STPG2: variants seen among roughly 807,000 people sequenced by gnomAD.
STPG2 encodes sperm-tail PG-rich repeat-containing protein 2.
A neutral mutation model predicts 54.2 loss-of-function variants in STPG2; 56 were observed. The observed-to-expected ratio is 1.03, with a 90% CI of 0.83 to 1.29. STPG2 has a LOEUF of 1.29. Ranked by LOEUF, STPG2 falls within the 50% of genes most tolerant of loss-of-function variation. STPG2 has a pLI of 0.00. For synonymous variants in STPG2, 200 were observed against 181.8 expected, an observed-to-expected ratio of 1.10 and a Z score of -0.81; for missense variants, 596 against 544.9, an observed-to-expected ratio of 1.09 and a Z score of -0.93.
At chr4:97,719,273 G>C (rs1436119329) in intron 9 of STPG2, among the ~76,000 whole-genome samples, 2 of 151,862 alleles carry the variant, frequency 1.3e-5, no homozygotes, top group Non-Finnish European at 2.9e-5. Context: ...CTTTAGAAAT[G>C]TTACTCCACT....
chr4:97,467,053 C>T (rs1029150420), intron 4 of STPG2, among the ~76,000 whole-genome samples: 4 of 151,880 alleles, frequency 2.6e-5, no homozygotes, highest in Non-Finnish European at 5.9e-5. Context: ...AGAAATACTA[C>T]AGCTGAGAAA....
chr4:97,470,005 T>G (rs1386250752), intron 4 of STPG2, among the ~76,000 whole-genome samples: 1 of 152,138 alleles, frequency 6.6e-6, no homozygotes, highest in African/African-American at 2.4e-5. Flanking sequence ...AATAGAAATT[T>G]ACATGAGTAA....
intron 5 of STPG2, among the ~76,000 whole-genome samples, chr4:98,013,381 T>A (rs989866388): frequency 2.0e-5 from 3 of 152,208 alleles, no homozygotes; most frequent in African/African-American, 7.2e-5. Flanking sequence ...GCATGAATGT[T>A]CTTCAAGGAC....
chr4:97,921,993 T>C (rs1025741109), intron 8 of STPG2, among the ~76,000 whole-genome samples: 2 of 151,720 alleles, frequency 1.3e-5, no homozygotes, highest in African/African-American at 4.8e-5. Flanking sequence ...AAGCAGAGAG[T>C]AGAATGGTGG....
At chr4:97,711,493 T>C (rs892377028) in intron 10 of STPG2, among the ~76,000 whole-genome samples, 100 of 152,248 alleles carry the variant, frequency 6.6e-4, no homozygotes, top group African/African-American at 2.4e-3. Context: ...CTTTCTGAAG[T>C]AAGTCTAATA....
chr4:97,600,662 T>G (rs927255441), intron 10 of STPG2, among the ~76,000 whole-genome samples: 3 of 152,030 alleles, frequency 2.0e-5, no homozygotes, highest in Non-Finnish European at 4.4e-5. Flanking sequence ...CTAGAAGATA[T>G]AGTCACACAC....
At chr4:97,960,265 C>T (rs1375104757) in intron 7 of STPG2, among the ~76,000 whole-genome samples, 2 of 152,046 alleles carry the variant, frequency 1.3e-5, no homozygotes, top group Non-Finnish European at 2.9e-5. Context: ...AAGTTGAAAG[C>T]ATTCCCCCTC....
At chr4:98,140,305 T>C (rs748236268) in intron 1 of STPG2, among the ~76,000 whole-genome samples, 1 of 152,112 alleles carries the variant, frequency 6.6e-6, no homozygotes, top group African/African-American at 2.4e-5. Context: ...AAGAACATTA[T>C]AAACAACATT....
At chr4:97,506,882 C>T (rs1730855619) in intron 4 of STPG2, among the ~76,000 whole-genome samples, 1 of 151,862 alleles carries the variant, frequency 6.6e-6, no homozygotes, top group South Asian at 2.1e-4. Context: ...TGGAGCAATA[C>T]ATTAAAAATA....
chr4:98,065,932 C>A (rs77447703), intron 5 of STPG2, among the ~76,000 whole-genome samples: 5 of 152,014 alleles, frequency 3.3e-5, no homozygotes, highest in Admixed American at 6.6e-5. Context: ...ATTCTAGGAA[C>A]AACTTTCCAA....
intron 4 of STPG2, among the ~76,000 whole-genome samples, chr4:97,495,007 T>C (rs570394736): frequency 6.6e-6 from 1 of 151,646 alleles, no homozygotes; most frequent in African/African-American, 2.4e-5. Flanking sequence ...GTTTCTGATA[T>C]AGCTAAAAAA....
chr4:97,864,239 C>A (rs1430588633), intron 8 of STPG2, among the ~76,000 whole-genome samples: 2 of 152,198 alleles, frequency 1.3e-5, no homozygotes, highest in African/African-American at 4.8e-5. Context: ...TGATAAGCAA[C>A]TTCAGCAAAG....
chr4:97,579,005 AT>A (rs1413074191), intron 10 of STPG2, among the ~76,000 whole-genome samples: 1 of 152,172 alleles, frequency 6.6e-6, no homozygotes, highest in African/African-American at 2.4e-5. Flanking sequence ...CATCTAAAAA[AT>A]AAATCACTCA....
chr4:97,699,029 G>A (rs1723679510), intron 10 of STPG2, among the ~76,000 whole-genome samples: 1 of 152,200 alleles, frequency 6.6e-6, no homozygotes, highest in Non-Finnish European at 1.5e-5. Context: ...CAGAGTAAGT[G>A]TCTATTCCAG....
chr4:98,141,032 A>C (rs996093221), intron 1 of STPG2, among the ~76,000 whole-genome samples: 3 of 150,888 alleles, frequency 2.0e-5, no homozygotes, highest in Non-Finnish European at 4.4e-5. Context: ...ACATTTAAAG[A>C]TGTGTCAAAT....
chr4:98,038,409 A>AT (rs1736838351), intron 5 of STPG2, among the ~76,000 whole-genome samples: 3 of 151,460 alleles, frequency 2.0e-5, no homozygotes, highest in African/African-American at 7.4e-5. Flanking sequence ...AAGTGGAAAC[A>AT]ATTTTTTTTT....
At chr4:97,449,974 T>A (rs576139766) in intron 4 of STPG2, among the ~76,000 whole-genome samples, 1 of 152,242 alleles carries the variant, frequency 6.6e-6, no homozygotes, top group South Asian at 2.1e-4. Flanking sequence ...TTTGAAGATA[T>A]ATTGTAAAAA....
intron 4 of STPG2, among the ~76,000 whole-genome samples, chr4:98,108,667 T>A (rs886752309): frequency 6.6e-6 from 1 of 152,152 alleles, no homozygotes; most frequent in Non-Finnish European, 1.5e-5. Flanking sequence ...ATGTGCTGTA[T>A]AATCAAACGG....
intron 4 of STPG2, among the ~76,000 whole-genome samples, chr4:97,469,249 T>A (rs1387039657): frequency 6.6e-6 from 1 of 152,120 alleles, no homozygotes; most frequent in Non-Finnish European, 1.5e-5. Context: ...ATAAATTTTT[T>A]AAATGCATGT....
Sources: gnomAD v4.1 joint callset for allele counts (sites outside exome capture counted in the v4.1 genomes callset) on GRCh38, gnomAD v4.1.1 for gene constraint, MANE v1.5 for transcripts, NCBI Gene and HGNC (gene_info 2026-07-23, HGNC 2026-07-21) for gene names.